Variants in SLC9A2 observed in about 807,000 individuals in gnomAD.
SLC9A2 encodes the protein solute carrier family 9 member A2, also known as sodium/hydrogen exchanger 2.
SLC9A2 carries 42 observed loss-of-function variants against 71.7 expected under a neutral mutation model. The ratio of observed to expected loss-of-function variants is 0.59; its 90% CI spans 0.46 to 0.76. The LOEUF is 0.76. SLC9A2 is among the 30% of genes least tolerant of loss of function. SLC9A2 has a pLI of 0.00. For synonymous variants in SLC9A2, 396 were observed against 392.5 expected (o/e 1.01, Z -0.10); for missense variants, 829 against 1,017.4 (o/e 0.81, Z 2.52).
Position 102,708,459 on chromosome 2 carries a change from G to C in SLC9A2, c.2409G>C (p.Arg803=). The change falls in exon 12 of 12, where the codon CGG becomes CGC. Residue 803 remains arginine (R), a synonymous_variant. Transcript: ENST00000233969. ...LVWRASEPGS[R]KARFGSEKP is the part of the protein sequence containing the mutation. ...GGAGGGCATCGGAACCTGGAAGCCG[G>C]AAAGCCCGATTTGGGAGTGAGAAGC... 1 of 1,614,148 alleles carries C rather than the reference G, an allele frequency of 6.2e-7. No individual in the cohort carries two copies. Among genetic ancestry groups the C allele is most frequent in the Non-Finnish European group, 8.5e-7 (1 of 1,180,028 alleles).
At chr2:102,646,789 A>ATATATATATATATATATATC (rs887096663) in intron 1 of SLC9A2, among the ~76,000 whole-genome samples, 7 of 148,286 alleles carry the variant, frequency 4.7e-5, no homozygotes, top group Admixed American at 1.3e-4. Context: ...ATATATATAT[A>ATATATATATATATATATATC]TCTCCAATAC....
In SLC9A2 at chr2:102,710,200, C is replaced by A. The variant is rs1678078364; in HGVS notation, c.*1711C>A. 1 of 152,436 alleles carries A rather than the reference C, an allele frequency of 6.6e-6. No homozygotes were observed. Among genetic ancestry groups the A allele is most frequent in the Non-Finnish European group, 1.5e-5 (1 of 68,010 alleles). 9.4% of individuals were successfully genotyped at this position (152,436 alleles called of 1,614,324 possible). A position where few individuals can be genotyped will look rare whatever the true frequency, so the allele number is the denominator to read the frequency against. On this transcript the variant is annotated 3_prime_UTR_variant, in exon 12 of 12. Coordinates refer to ENST00000233969, the MANE Select transcript of SLC9A2 (RefSeq NM_003048.6). ...AAACTACAGGCTTAGGACTCTGTGC[C>A]AAAAATCTCTATTTTAAATGAAAAT...
intron 1 of SLC9A2, among the ~76,000 whole-genome samples, chr2:102,646,289 G>A (rs1013609734): frequency 6.6e-5 from 10 of 152,112 alleles, no homozygotes; most frequent in Admixed American, 6.5e-4. Flanking sequence ...CCTTACAAGA[G>A]CTCCTGAAGG....
intron 5 of SLC9A2, chr2:102,689,736 A>C (rs1167313037): frequency 6.6e-6 from 1 of 152,250 alleles, no homozygotes; most frequent in Non-Finnish European, 1.5e-5. Flanking sequence ...TATGAGAAGA[A>C]GAGCAGTATA....
intron 2 of SLC9A2, among the ~76,000 whole-genome samples, chr2:102,662,224 G>T (rs769963286): frequency 1.3e-5 from 2 of 152,238 alleles, no homozygotes; most frequent in Non-Finnish European, 2.9e-5. Flanking sequence ...TTTAAGACTG[G>T]CTGTACCTTT....
intron 5 of SLC9A2, among the ~76,000 whole-genome samples, chr2:102,690,224 G>C (rs1246982553): frequency 6.6e-6 from 1 of 152,194 alleles, no homozygotes; most frequent in East Asian, 1.9e-4. Context: ...ACAGGAAGGA[G>C]AGAAGAGGCC....
chr2:102,640,822 C>A (rs1676560407), intron 1 of SLC9A2, among the ~76,000 whole-genome samples: 1 of 152,146 alleles, frequency 6.6e-6, no homozygotes, highest in Admixed American at 6.6e-5. Flanking sequence ...TTCTGGCAAC[C>A]AGCACCCATC....
chr2:102,631,995 G>GATATAT (rs59553931), intron 1 of SLC9A2, among the ~76,000 whole-genome samples: 27 of 43,182 alleles, frequency 6.3e-4, no homozygotes, highest in Non-Finnish European at 1.1e-3. Context: ...TGAAAGTGGG[G>GATATAT]ATATATATAT....
At chr2:102,652,696 C>A (rs1451970903) in intron 1 of SLC9A2, among the ~76,000 whole-genome samples, 1 of 152,110 alleles carries the variant, frequency 6.6e-6, no homozygotes, top group African/African-American at 2.4e-5. Context: ...AAAGTCTTGG[C>A]CAACCACTGG....
At chr2:102,704,883 T>C (rs1031886387) in intron 10 of SLC9A2, among the ~76,000 whole-genome samples, 5 of 152,110 alleles carry the variant, frequency 3.3e-5, no homozygotes, top group Non-Finnish European at 5.9e-5. Flanking sequence ...TGTCAATAGA[T>C]AAGGAAAGCC....
rs750715419 is a variant in SLC9A2 at position 102,705,915 on chromosome 2, A to T, written c.2047A>T (p.Arg683Trp). The T allele has an allele frequency of 6.2e-7, 1 of 1,603,500 alleles. No homozygotes were observed. The highest frequency in any genetic ancestry group is 8.5e-7 in the Non-Finnish European group (1 of 1,173,944). ...GAAGCTTCCAGAAAAGCTACAAAAG[A>T]GGAGGACTATTTCTATTGCAGGTAG... Reference protein sequence around the residue: ...NTKLPEKLQKRRTISIADGNS... With the variant: ...NTKLPEKLQKWRTISIADGNS... Residue 683 changes from arginine to tryptophan, a missense_variant, in exon 11 of 12, where the codon AGG (arginine) becomes TGG (tryptophan). Around this residue, in one of 3 missense-constraint regions of SLC9A2, gnomAD observed 223 missense variants for 197.5 expected, o/e 1.13. Coordinates refer to ENST00000233969, the MANE Select transcript of SLC9A2 (RefSeq NM_003048.6).
intron 3 of SLC9A2, among the ~76,000 whole-genome samples, chr2:102,680,837 C>T (rs1328583813): frequency 6.6e-6 from 1 of 151,372 alleles, no homozygotes; most frequent in Non-Finnish European, 1.5e-5. Context: ...TATGAGAGGG[C>T]GTAGGAGAGT....
intron 1 of SLC9A2, among the ~76,000 whole-genome samples, chr2:102,624,012 G>A (rs1159141681): frequency 1.3e-5 from 2 of 152,074 alleles, no homozygotes; most frequent in African/African-American, 2.4e-5. Context: ...GAATGATTCA[G>A]CTTAGCTCTT....
chr2:102,673,971 T>C (rs1677302748), intron 3 of SLC9A2, among the ~76,000 whole-genome samples: 2 of 152,032 alleles, frequency 1.3e-5, no homozygotes, highest in Admixed American at 6.6e-5. Flanking sequence ...GTATTTTTAG[T>C]AGAGATGGGG....
intron 1 of SLC9A2, among the ~76,000 whole-genome samples, chr2:102,649,173 A>G (rs1676785433): frequency 6.6e-6 from 1 of 152,190 alleles, no homozygotes; most frequent in South Asian, 2.1e-4. Context: ...AACACCACAC[A>G]TCTACAACCA....
Position 102,706,481 on chromosome 2 carries a change from G to A in SLC9A2, c.2068+545G>A, listed in dbSNP as rs1029341784. Among the ~76,000 whole-genome samples, 7 of 152,192 alleles carry A rather than the reference G, an allele frequency of 4.6e-5. No individual in the cohort carries two copies. The East Asian group carries it at 5.8e-4, about 13-fold the overall frequency. ...AGGAGATATACCTAATGTAAATGGC[G>A]AGTTCATGGGTGCAGCACACCAACA... On this transcript the variant is annotated intron_variant, in intron 11 of 11. Transcript: ENST00000233969.
chr2:102,645,572 T>A lies in SLC9A2; in HGVS notation c.290-11992T>A, dbSNP rs11900002. Among the ~76,000 whole-genome samples, 268 of 151,770 alleles carry A rather than the reference T, an allele frequency of 1.8e-3. 1 individual carries two copies. The highest frequency in any genetic ancestry group is 6.1e-3 in the African/African-American group (254 of 41,488). ...AGCCTTGATAAAAGGTTATAGGAGC[T>A]GCCAACTAGAATAACCAGTTTAAAG... is the stretch of plus-strand genomic sequence containing the variant. On this transcript the variant is annotated intron_variant, in intron 1 of 11. Coordinates refer to ENST00000233969, the MANE Select transcript of SLC9A2 (RefSeq NM_003048.6).
At position 102,686,516 on chromosome 2, in the gene SLC9A2, A is replaced by G. The variant is rs181408238; in HGVS notation, c.1425+2180A>G. 2.6e-5 allele frequency: 4 copies of G among 152,270 alleles called. No individual in the cohort carries two copies. In the East Asian group the frequency reaches 7.7e-4, roughly 29 times the overall value. The allele number at this position is 152,270 out of a possible 1,614,324, so 9.4% of individuals were successfully genotyped here. Reference sequence around the variant, plus strand: ...GAAGACCCTTTCCTGAGTTAAGATGACCACCTTCTGTTACTGTCTTTATTA... The same window carrying G: ...GAAGACCCTTTCCTGAGTTAAGATGGCCACCTTCTGTTACTGTCTTTATTA... On this transcript the variant is annotated intron_variant, in intron 5 of 11. Coordinates refer to ENST00000233969, the MANE Select transcript of SLC9A2 (RefSeq NM_003048.6).
chr2:102,670,677 T>C (rs1016021025), intron 3 of SLC9A2, among the ~76,000 whole-genome samples: 40 of 150,852 alleles, frequency 2.7e-4, no homozygotes, highest in African/African-American at 9.5e-4. Flanking sequence ...GTAACGGGAA[T>C]TTCCAGAATG....
Sources: allele counts gnomAD v4.1 joint callset (sites outside exome capture counted in the v4.1 genomes callset), GRCh38; gene constraint gnomAD v4.1.1; regional missense constraint gnomAD v4.1.1; transcripts MANE v1.5; gene names NCBI Gene and HGNC (gene_info 2026-07-23, HGNC 2026-07-21).